Variants in ELP4 observed in about 807,000 individuals in gnomAD.
ELP4 encodes elongator acetyltransferase complex subunit 4, also known as elongator complex protein 4.
In ELP4, 51 loss-of-function variants were observed where a neutral mutation model predicts 48.9. That is an observed-to-expected ratio of 1.04 (90% CI 0.83 to 1.32). The LOEUF is 1.32. ELP4 is among the 40% of genes most tolerant of loss of function. ELP4 has a pLI of 0.00. For synonymous variants in ELP4, 210 were observed against 189.2 expected (o/e 1.11, Z -0.90); for missense variants, 519 against 514.6 (o/e 1.01, Z -0.08).
intron 9 of ELP4, among the ~76,000 whole-genome samples, chr11:31,730,196 A>G (rs911327168): frequency 4.6e-5 from 7 of 152,150 alleles, no homozygotes; most frequent in Non-Finnish European, 7.4e-5. Flanking sequence ...GTGCTACTAT[A>G]ACAAAATGCC....
intron 3 of ELP4, among the ~76,000 whole-genome samples, chr11:31,593,484 T>TC (rs1013325581): frequency 2.6e-5 from 4 of 151,908 alleles, no homozygotes; most frequent in East Asian, 3.9e-4. Flanking sequence ...ACTCAAGTGA[T>TC]CCCCCCCTAC....
At chr11:31,745,007 A>G (rs1705945037) in intron 9 of ELP4, among the ~76,000 whole-genome samples, 1 of 152,204 alleles carries the variant, frequency 6.6e-6, no homozygotes, top group South Asian at 2.1e-4. Context: ...TCTCAGCCCA[A>G]AATCTCCTCA....
chr11:31,678,106 A>G (rs935321025), intron 9 of ELP4, among the ~76,000 whole-genome samples: 3 of 152,080 alleles, frequency 2.0e-5, no homozygotes, highest in African/African-American at 7.2e-5. Context: ...AATGCCATGT[A>G]ATTACGTAGA....
intron 5 of ELP4, among the ~76,000 whole-genome samples, chr11:31,607,067 G>A (rs929076845): frequency 2.0e-5 from 3 of 152,080 alleles, no homozygotes; most frequent in South Asian, 2.1e-4. Context: ...CACTCTCTCC[G>A]GGAGCATGCA....
At chr11:31,539,636 C>T in intron 2 of ELP4, 26 bp from the exon 3 acceptor site, 1 of 1,579,764 alleles carries the variant, frequency 6.3e-7, no homozygotes, top group Non-Finnish European at 8.6e-7. Flanking sequence ...CTATATGTTT[C>T]TAACTGCAAC....
intron 6 of ELP4, among the ~76,000 whole-genome samples, chr11:31,629,354 A>G (rs1169231432): frequency 6.6e-6 from 1 of 152,004 alleles, no homozygotes; most frequent in African/African-American, 2.4e-5. Context: ...TAGCAAAGGA[A>G]TTATATATCC....
intron 9 of ELP4, chr11:31,763,335 T>C (rs1947984559): frequency 7.7e-7 from 1 of 1,306,830 alleles, no homozygotes; most frequent in Non-Finnish European, 1.0e-6. Context: ...ATGTTAGCTT[T>C]TTCCCCCTCT....
At chr11:31,697,692 T>A (rs993241319) in intron 9 of ELP4, among the ~76,000 whole-genome samples, 2 of 152,180 alleles carry the variant, frequency 1.3e-5, no homozygotes, top group Non-Finnish European at 2.9e-5. Context: ...GGTGGAATTA[T>A]TGTCCACTAT....
intron 9 of ELP4, among the ~76,000 whole-genome samples, chr11:31,740,589 A>G (rs893538735): frequency 3.3e-5 from 5 of 152,240 alleles, no homozygotes; most frequent in Admixed American, 2.0e-4. Context: ...AGATATTAAT[A>G]TTATCGAAAT....
At chr11:31,610,050 A>G (rs1337807106) in intron 5 of ELP4, among the ~76,000 whole-genome samples, 1 of 152,170 alleles carries the variant, frequency 6.6e-6, no homozygotes, top group East Asian at 1.9e-4. Flanking sequence ...TTGTCTTAAA[A>G]AAACAGAAAA....
chr11:31,770,990 C>A (rs1412638989), intron 9 of ELP4, among the ~76,000 whole-genome samples: 1 of 152,078 alleles, frequency 6.6e-6, no homozygotes, highest in East Asian at 1.9e-4. Flanking sequence ...AACAAAGGAA[C>A]ATTGGGATTG....
intron 5 of ELP4, among the ~76,000 whole-genome samples, chr11:31,616,577 G>T (rs1265008589): frequency 6.6e-6 from 1 of 151,964 alleles, no homozygotes; most frequent in Non-Finnish European, 1.5e-5. Flanking sequence ...AGACAAATAG[G>T]ATGACATCAA....
intron 5 of ELP4, among the ~76,000 whole-genome samples, chr11:31,607,061 C>G (rs4922870): frequency 0.61 from 92,816 of 151,936 alleles, 31,917 homozygotes; most frequent in Non-Finnish European, 0.76. Flanking sequence ...AGCTCTCACT[C>G]TCTCCGGGAG....
At chr11:31,718,388 A>G (rs1946884583) in intron 9 of ELP4, among the ~76,000 whole-genome samples, 1 of 152,234 alleles carries the variant, frequency 6.6e-6, no homozygotes, top group Admixed American at 6.5e-5. Context: ...AAAAAGGGCT[A>G]TTCTGGTGAT....
At chr11:31,594,012 A>G (rs755195212) in intron 3 of ELP4, among the ~76,000 whole-genome samples, 2 of 152,188 alleles carry the variant, frequency 1.3e-5, no homozygotes, top group East Asian at 1.9e-4. Context: ...TACTAATCCA[A>G]TGCCCTACAT....
intron 9 of ELP4, among the ~76,000 whole-genome samples, chr11:31,778,641 C>A (rs1222134308): frequency 2.0e-5 from 3 of 152,176 alleles, no homozygotes; most frequent in Admixed American, 2.0e-4. Flanking sequence ...AGGGAAGAAT[C>A]ATTCCCCCAT....
intron 9 of ELP4, among the ~76,000 whole-genome samples, chr11:31,773,860 G>A (rs900630074): frequency 2.6e-5 from 4 of 152,142 alleles, no homozygotes; most frequent in Non-Finnish European, 4.4e-5. Context: ...CATTCCCCTT[G>A]TTCATCATGA....
intron 3 of ELP4, among the ~76,000 whole-genome samples, chr11:31,587,821 C>G (rs1346533619): frequency 6.6e-6 from 1 of 151,952 alleles, no homozygotes; most frequent in Non-Finnish European, 1.5e-5. Context: ...TTAAAGATAG[C>G]TTTAAAAACT....
At chr11:31,745,543 A>C (rs1947567931) in intron 9 of ELP4, among the ~76,000 whole-genome samples, 1 of 152,166 alleles carries the variant, frequency 6.6e-6, no homozygotes, top group Non-Finnish European at 1.5e-5. Context: ...CAAAACAGAG[A>C]TATAGACCAA....
Sources: allele counts gnomAD v4.1 joint callset (sites outside exome capture counted in the v4.1 genomes callset), GRCh38; gene constraint gnomAD v4.1.1; transcripts MANE v1.5; gene names NCBI Gene and HGNC (gene_info 2026-07-23, HGNC 2026-07-21).